The following BABAM2 variants were observed in gnomAD, a reference collection of about 807,000 sequenced individuals.
The protein encoded by BABAM2 is BRISC and BRCA1 A complex member 2, also known as BRISC and BRCA1-A complex member 2.
BABAM2 carries 31 observed loss-of-function variants against 54.7 expected under a neutral mutation model. The observed-to-expected ratio is 0.57, with a 90% CI of 0.43 to 0.77. The LOEUF is 0.77. Among genes scored for constraint, BABAM2 ranks in the 30% least tolerant of loss-of-function variants. The pLI is 0.00. For missense variants in BABAM2, 364 were observed against 455.8 expected (o/e 0.80, Z 1.83); for synonymous variants, 167 against 162.9 (o/e 1.03, Z -0.19).
intron 2 of BABAM2, among the ~76,000 whole-genome samples, chr2:27,910,564 C>T (rs1194577202): frequency 6.6e-6 from 1 of 152,112 alleles, no homozygotes; most frequent in Admixed American, 6.5e-5. Context: ...TCTTTGTGCT[C>T]CCATCTAGTC....
intron 10 of BABAM2, among the ~76,000 whole-genome samples, chr2:28,287,334 A>G (rs140960297): frequency 1.0e-3 from 153 of 152,222 alleles, no homozygotes; most frequent in African/African-American, 3.5e-3. Context: ...ATTTATTGTG[A>G]CTCAATTCTT....
At chr2:28,112,153 C>CTTTCTTT (rs1558346881) in intron 6 of BABAM2, among the ~76,000 whole-genome samples, 8 of 7,918 alleles carry the variant, frequency 1.0e-3, no homozygotes, top group African/African-American at 1.7e-3. Context: ...TTCTTTACCT[C>CTTTCTTT]CCTCCCTCCC....
At chr2:27,990,197 G>A (rs900510447) in intron 4 of BABAM2, among the ~76,000 whole-genome samples, 3 of 152,164 alleles carry the variant, frequency 2.0e-5, no homozygotes, top group Non-Finnish European at 4.4e-5. Flanking sequence ...GCCCAGATAA[G>A]CAACCAGAGC....
At chr2:28,272,578 G>A (rs1685508896) in intron 10 of BABAM2, among the ~76,000 whole-genome samples, 1 of 152,126 alleles carries the variant, frequency 6.6e-6, no homozygotes, top group African/African-American at 2.4e-5. Flanking sequence ...CCAAAGAGTG[G>A]TGGGAGCATA....
At chr2:28,144,245 A>G (rs1375663095) in intron 7 of BABAM2, among the ~76,000 whole-genome samples, 1 of 152,194 alleles carries the variant, frequency 6.6e-6, no homozygotes, top group Admixed American at 6.5e-5. Context: ...ATCAACATCA[A>G]CATCTTCTTC....
rs540195459 is a variant in BABAM2 at position 28,121,919 on chromosome 2, A to G, written c.571-7352A>G. Among the ~76,000 whole-genome samples, 117 of 152,284 alleles carry G rather than the reference A, an allele frequency of 7.7e-4. 1 individual carries two copies. The highest frequency in any genetic ancestry group is 1.2e-3 in the Non-Finnish European group (80 of 68,036). On this transcript the variant is annotated intron_variant, in intron 6 of 11. Transcript: ENST00000379624. ...TTGCAAATTTGCATATAGTTTGTCA[A>G]AAACTCATAACTTGGTCAGGCGCAG... is the stretch of plus-strand genomic sequence containing the variant.
intron 6 of BABAM2, among the ~76,000 whole-genome samples, chr2:28,096,637 C>T (rs967640671): frequency 3.9e-5 from 6 of 152,098 alleles, no homozygotes; most frequent in Non-Finnish European, 8.8e-5. Context: ...ATAGAACATT[C>T]CATTATGTTA....
In BABAM2 at chr2:28,298,322, T is replaced by C; in HGVS notation, c.935-16T>C. On this transcript the variant is annotated splice_polypyrimidine_tract_variant and intron_variant, in intron 10 of 11. Coordinates refer to ENST00000379624, the MANE Select transcript of BABAM2 (RefSeq NM_199191.3). ...TTTATGCTCTAACTTTCTTTTTCTT[T>C]CTTCTGTCTTTGCAGTTGACCTGCC... 6.2e-7 allele frequency: 1 copy of C among 1,608,798 alleles called. No homozygotes were observed. The highest frequency in any genetic ancestry group is 8.5e-7 in the Non-Finnish European group (1 of 1,178,258).
At chr2:28,004,281 C>T (rs542486911) in intron 4 of BABAM2, among the ~76,000 whole-genome samples, 54 of 152,282 alleles carry the variant, frequency 3.5e-4, no homozygotes, top group African/African-American at 1.3e-3. Flanking sequence ...CAGCTCAGCC[C>T]TTACACTGGT....
At chr2:28,187,323 G>A (rs1420718968) in intron 7 of BABAM2, among the ~76,000 whole-genome samples, 5 of 152,234 alleles carry the variant, frequency 3.3e-5, no homozygotes, top group South Asian at 4.1e-4. Context: ...GAGCCATGTT[G>A]GTTTGGGTAG....
chr2:28,036,912 C>T (rs1174438824), intron 5 of BABAM2, among the ~76,000 whole-genome samples: 1 of 152,126 alleles, frequency 6.6e-6, no homozygotes, highest in Admixed American at 6.6e-5. Context: ...ACTTTAAGTT[C>T]CTTGAGGACA....
intron 6 of BABAM2, among the ~76,000 whole-genome samples, chr2:28,070,772 A>G (rs888390030): frequency 6.6e-6 from 1 of 152,162 alleles, no homozygotes; most frequent in African/African-American, 2.4e-5. Flanking sequence ...CTCTCTTTAT[A>G]TGGACATTTA....
chr2:28,265,858 G>A (rs1268086704), intron 10 of BABAM2, among the ~76,000 whole-genome samples: 9 of 152,038 alleles, frequency 5.9e-5, no homozygotes, highest in Non-Finnish European at 1.3e-4. Flanking sequence ...ATACACAATA[G>A]GCAAAGTCCC....
upstream of BABAM2, chr2:27,890,200 G>A: frequency 6.5e-7 from 1 of 1,546,622 alleles, no homozygotes; most frequent in Non-Finnish European, 8.9e-7. This position sits in a 1 kb window ranked among gnomAD's most constrained non-coding sequence, Gnocchi z 4.8. Context: ...TGGGCGCATA[G>A]CGCACGGCAC....
At chr2:28,187,044 A>G (rs1482063172) in intron 7 of BABAM2, among the ~76,000 whole-genome samples, 1 of 152,104 alleles carries the variant, frequency 6.6e-6, no homozygotes, top group Non-Finnish European at 1.5e-5. Flanking sequence ...TGACCTCGTG[A>G]TCTGTCCACC....
chr2:28,077,305 A>G (rs755924580), intron 6 of BABAM2, among the ~76,000 whole-genome samples: 1 of 152,214 alleles, frequency 6.6e-6, no homozygotes, highest in Non-Finnish European at 1.5e-5. Context: ...AGATAAGACT[A>G]TTGTGTTTCG....
At chr2:28,103,900 G>A (rs371932030) in intron 6 of BABAM2, among the ~76,000 whole-genome samples, 10 of 152,132 alleles carry the variant, frequency 6.6e-5, no homozygotes, top group East Asian at 1.9e-4. Flanking sequence ...TTCACAGATC[G>A]TACTGTTTAT....
At chr2:27,954,979 A>G (rs77374851) in intron 3 of BABAM2, among the ~76,000 whole-genome samples, 1,759 of 152,188 alleles carry the variant, frequency 0.012, 30 homozygotes, top group African/African-American at 0.041. Flanking sequence ...GGGACCTTCG[A>G]TGGGCTTTTA....
chr2:28,165,743 C>T (rs1286722721), intron 7 of BABAM2, among the ~76,000 whole-genome samples: 1 of 151,828 alleles, frequency 6.6e-6, no homozygotes, highest in Admixed American at 6.6e-5. Context: ...CCATGTTGGC[C>T]AGGATGGTCT....
Sources: gnomAD v4.1 joint callset for allele counts (sites outside exome capture counted in the v4.1 genomes callset) on GRCh38, gnomAD v4.1.1 for gene constraint, Gnocchi (gnomAD v3.1) non-coding constraint, MANE v1.5 for transcripts, NCBI Gene and HGNC (gene_info 2026-07-23, HGNC 2026-07-21) for gene names.